EIF4E2: variants seen among roughly 807,000 people sequenced by gnomAD.
The protein encoded by EIF4E2 is eukaryotic translation initiation factor 4E family member 2.
A neutral mutation model predicts 34.2 loss-of-function variants in EIF4E2; 13 were observed. The observed-to-expected ratio is 0.38, with a 90% CI of 0.25 to 0.60. EIF4E2 has a LOEUF of 0.60. EIF4E2 is among the 20% of genes least tolerant of loss of function. The pLI, the probability that EIF4E2 is intolerant of heterozygous loss-of-function variation, is 0.62. For synonymous variants in EIF4E2, 100 were observed against 106.6 expected (o/e 0.94, Z 0.38); for missense variants, 222 against 315.1 (o/e 0.70, Z 2.24).
At chr2:232,553,072 C>A (rs1222822195) in intron 1 of EIF4E2, among the ~76,000 whole-genome samples, 1 of 152,182 alleles carries the variant, frequency 6.6e-6, no homozygotes, top group Admixed American at 6.5e-5. Context: ...CTAATGGGCT[C>A]ATATTAAAGA....
chr2:232,575,979 GCA>G (rs1416420475), intron 6 of EIF4E2, among the ~76,000 whole-genome samples: 21 of 152,246 alleles, frequency 1.4e-4, no homozygotes, highest in Non-Finnish European at 2.8e-4. Context: ...GCCAAGGCGG[GCA>G]GATCACGAGG....
downstream of EIF4E2, chr2:232,569,356 G>T: frequency 1.3e-6 from 1 of 783,422 alleles, no homozygotes; most frequent in Non-Finnish European, 1.7e-6. Context: ...ATTGTGTAGT[G>T]TCATGTGGTA....
chr2:232,582,359 T>C (rs1336455788), exon 7 of EIF4E2: 1 of 152,448 alleles, frequency 6.6e-6, no homozygotes, highest in Admixed American at 6.5e-5. Context: ...CTTCCTACTT[T>C]TCCATTCCTG....
chr2:232,567,311 C>A (rs1430584668), intron 6 of EIF4E2, 97 bp downstream of exon 6: 3 of 1,567,720 alleles, frequency 1.9e-6, no homozygotes, highest in Non-Finnish European at 2.6e-6. Context: ...AGGAGACTTA[C>A]TTGTGGAGAA....
intron 1 of EIF4E2, chr2:232,551,032 G>T (rs1692293128): frequency 3.2e-6 from 2 of 618,240 alleles, no homozygotes; most frequent in Non-Finnish European, 5.9e-6. Flanking sequence ...CGCCCTGGTG[G>T]ATGCGGATTG....
chr2:232,550,797 G>A (rs1692279351), intron 1 of EIF4E2, 53 bp downstream of exon 1: 1 of 1,492,506 alleles, frequency 6.7e-7, no homozygotes, highest in Non-Finnish European at 9.0e-7. Context: ...GTTCCCCCGC[G>A]CCCGCCCCCG....
At chr2:232,560,547 A>G (rs1354671543) in intron 3 of EIF4E2, among the ~76,000 whole-genome samples, 3 of 152,122 alleles carry the variant, frequency 2.0e-5, no homozygotes, top group African/African-American at 7.2e-5. Flanking sequence ...AGGCCAAGGC[A>G]GGAGGATGAC....
intron 6 of EIF4E2, among the ~76,000 whole-genome samples, chr2:232,580,084 CCACACACACACACACA>C (rs6147227): frequency 0.048 from 6,945 of 145,224 alleles, 216 homozygotes; most frequent in Non-Finnish European, 0.058. Flanking sequence ...CACATACATA[CCACACACACACACACA>C]CACACACACA....
chr2:232,562,611 G>A lies in EIF4E2; in HGVS notation c.271-1636G>A, dbSNP rs1209518677. Among the ~76,000 whole-genome samples the A allele has an allele frequency of 5.3e-5, 8 of 152,244 alleles. No homozygotes were observed. In the South Asian group the frequency reaches 1.2e-3, roughly 24 times the overall value. ...ATCTCAAAAAAACAAACAAAAAAAA[G>A]ATTGTGCAGTGTAGTTGTAAGATTG... On this transcript the variant is annotated intron_variant, in intron 3 of 6. Transcript: ENST00000258416.
At chr2:232,551,299 C>T (rs1451892383) in intron 1 of EIF4E2, 4 of 471,340 alleles carry the variant, frequency 8.5e-6, no homozygotes, top group Admixed American at 2.3e-5. Flanking sequence ...TTTCTTTCTC[C>T]TCCCCTTCCC....
At chr2:232,560,885 C>G (rs564501135) in intron 3 of EIF4E2, among the ~76,000 whole-genome samples, 2 of 152,266 alleles carry the variant, frequency 1.3e-5, no homozygotes, top group Non-Finnish European at 2.9e-5. Context: ...AATAAACTAC[C>G]TTGTGCACTG....
Position 232,550,752 on chromosome 2 carries a change from G to T in EIF4E2, c.20+8G>T. ...GAACAACAAGTTCGACGCGTGAGTGGCTCGTGGCCGCCCCCGGGGCCCCTT... is the reference window on the plus strand; with the variant it reads ...GAACAACAAGTTCGACGCGTGAGTGTCTCGTGGCCGCCCCCGGGGCCCCTT... On this transcript the variant is annotated splice_region_variant and intron_variant, in intron 1 of 6. Transcript: ENST00000258416. 1 of 1,569,684 alleles carries T rather than the reference G, an allele frequency of 6.4e-7. No homozygotes were observed. The highest frequency in any genetic ancestry group is 1.2e-5 in the South Asian group (1 of 85,884).
chr2:232,574,029 C>T, downstream of EIF4E2: 1 of 693,258 alleles, frequency 1.4e-6, no homozygotes, highest in Non-Finnish European at 2.7e-6. Context: ...GGAACAGGGG[C>T]AGACTTCTCA....
chr2:232,573,271 T>C (rs1693133926), downstream of EIF4E2, among the ~76,000 whole-genome samples: 1 of 152,224 alleles, frequency 6.6e-6, no homozygotes, highest in South Asian at 2.1e-4. Context: ...AATGGTTAAC[T>C]CATAAATGTA....
At chr2:232,577,479 CCT>C (rs1693250913) in intron 6 of EIF4E2, among the ~76,000 whole-genome samples, 5 of 152,182 alleles carry the variant, frequency 3.3e-5, no homozygotes, top group Admixed American at 2.6e-4. Flanking sequence ...ACTTTGCCCC[CCT>C]GTCATCCATT....
chr2:232,560,851 C>T (rs1692698618), intron 3 of EIF4E2, among the ~76,000 whole-genome samples: 1 of 152,188 alleles, frequency 6.6e-6, no homozygotes, highest in Non-Finnish European at 1.5e-5. Context: ...ATCTTAGAAT[C>T]AGCAAACTTA....
intron 1 of EIF4E2, among the ~76,000 whole-genome samples, chr2:232,552,626 C>G (rs1484991151): frequency 1.3e-5 from 2 of 152,154 alleles, no homozygotes; most frequent in African/African-American, 2.4e-5. Flanking sequence ...AAGGGCTATC[C>G]CAGGTTTGTT....
intron 3 of EIF4E2, among the ~76,000 whole-genome samples, chr2:232,563,616 G>A (rs1692804494): frequency 1.3e-5 from 2 of 152,168 alleles, no homozygotes; most frequent in Admixed American, 1.3e-4. Context: ...CCTGGACTTA[G>A]CAACAGCACC....
intron 6 of EIF4E2, among the ~76,000 whole-genome samples, chr2:232,578,370 C>G (rs549702649): frequency 6.6e-6 from 1 of 152,168 alleles, no homozygotes; most frequent in African/African-American, 2.4e-5. Flanking sequence ...CGGTGGCTCA[C>G]GCCTGTAATC....
Sources: gnomAD v4.1 joint callset for allele counts (sites outside exome capture counted in the v4.1 genomes callset) on GRCh38, gnomAD v4.1.1 for gene constraint, MANE v1.5 for transcripts, NCBI Gene and HGNC (gene_info 2026-07-23, HGNC 2026-07-21) for gene names.